The following HDAC9 variants were observed in gnomAD, a reference collection of about 807,000 sequenced individuals.
HDAC9 encodes MEF-2 interacting transcription repressor (MITR) protein.
A neutral mutation model predicts 139.4 loss-of-function variants in HDAC9; 41 were observed. The ratio of observed to expected loss-of-function variants is 0.29; its 90% CI spans 0.23 to 0.38. The LOEUF (loss-of-function observed/expected upper bound fraction) is 0.38, where lower values mean the gene tolerates loss of function less well. Ranked by LOEUF, HDAC9 falls within the 10% of genes least tolerant of loss-of-function variation. HDAC9 has a pLI of 1.00. For missense variants in HDAC9, 1,147 were observed against 1,297.0 expected, an observed-to-expected ratio of 0.88 and a Z score of 1.78; for synonymous variants, 517 against 476.2, an observed-to-expected ratio of 1.09 and a Z score of -1.12.
chr7:18,907,369 T>C (rs1802355210), intron 22 of HDAC9, among the ~76,000 whole-genome samples: 1 of 152,204 alleles, frequency 6.6e-6, no homozygotes, highest in Non-Finnish European at 1.5e-5. Context: ...AGAATGGGAA[T>C]TCTAAATTAC....
At chr7:18,839,727 C>A (rs1220386247) in intron 21 of HDAC9, among the ~76,000 whole-genome samples, 1 of 152,014 alleles carries the variant, frequency 6.6e-6, no homozygotes, top group African/African-American at 2.4e-5. Flanking sequence ...CTTTATTGAA[C>A]AAATCTTTTG....
At chr7:18,649,111 T>C (rs1461307276) in intron 11 of HDAC9, among the ~76,000 whole-genome samples, 1 of 152,194 alleles carries the variant, frequency 6.6e-6, no homozygotes, top group Non-Finnish European at 1.5e-5. Flanking sequence ...TGTATGCATC[T>C]ACGTTACATT....
At chr7:18,924,837 G>C (rs1804073121) in intron 22 of HDAC9, among the ~76,000 whole-genome samples, 1 of 152,106 alleles carries the variant, frequency 6.6e-6, no homozygotes, top group African/African-American at 2.4e-5. Flanking sequence ...GAAACCGTGA[G>C]GATGATTATG....
intron 2 of HDAC9, among the ~76,000 whole-genome samples, chr7:18,234,117 C>T (rs968932804): frequency 1.3e-5 from 2 of 152,084 alleles, no homozygotes; most frequent in African/African-American, 4.8e-5. Context: ...GTGTACAAAG[C>T]GAGAGCTTTC....
intron 25 of HDAC9, among the ~76,000 whole-genome samples, chr7:18,985,300 A>G (rs980877441): frequency 2.0e-5 from 3 of 151,776 alleles, no homozygotes; most frequent in Non-Finnish European, 2.9e-5. Flanking sequence ...ATTCCCACCT[A>G]TGAGTGAGAA....
intron 12 of HDAC9, among the ~76,000 whole-genome samples, chr7:18,697,633 A>G (rs1783150687): frequency 1.3e-5 from 2 of 152,134 alleles, no homozygotes; most frequent in Admixed American, 1.3e-4. Flanking sequence ...TCTTTTAGAC[A>G]CTGATATTCC....
intron 16 of HDAC9, among the ~76,000 whole-genome samples, chr7:18,779,557 C>T (rs1238862643): frequency 6.6e-6 from 1 of 151,956 alleles, no homozygotes; most frequent in East Asian, 1.9e-4. Context: ...TTAGAAGTAT[C>T]CTGCCCAGCC....
intron 21 of HDAC9, among the ~76,000 whole-genome samples, chr7:18,853,863 G>A (rs1797481220): frequency 6.6e-6 from 1 of 152,118 alleles, no homozygotes; most frequent in Admixed American, 6.6e-5. Flanking sequence ...TTTCTCAGAA[G>A]TTACCTATCT....
At chr7:18,736,879 T>C (rs1786963793) in intron 13 of HDAC9, among the ~76,000 whole-genome samples, 1 of 152,204 alleles carries the variant, frequency 6.6e-6, no homozygotes, top group South Asian at 2.1e-4. Flanking sequence ...TTTTTTTGGT[T>C]GGTAGGCTAT....
At chr7:18,349,307 TACACACACACACACACACAC>T (rs3138825) in intron 1 of HDAC9, among the ~76,000 whole-genome samples, 66 of 125,816 alleles carry the variant, frequency 5.2e-4, no homozygotes, top group South Asian at 4.2e-3. Context: ...TGAGAACATC[TACACACACACACACACACAC>T]ACACACACAC....
chr7:18,314,557 A>G (rs1276153455), intron 1 of HDAC9, among the ~76,000 whole-genome samples: 1 of 152,200 alleles, frequency 6.6e-6, no homozygotes, highest in Admixed American at 6.5e-5. Flanking sequence ...AAGAAAATCT[A>G]GAAGAGTTTT....
chr7:18,901,219 T>TACAC (rs1262098910), intron 22 of HDAC9, among the ~76,000 whole-genome samples: 2 of 130,882 alleles, frequency 1.5e-5, no homozygotes, highest in Non-Finnish European at 3.3e-5. Flanking sequence ...TATATATATA[T>TACAC]ATACACACAC....
rs762082922 is a variant in HDAC9, at chr7:18,807,496, TC to T, written c.2322+14045del. 8.5e-4 allele frequency among the ~76,000 whole-genome samples: 129 copies of T among 152,258 alleles called. 1 individual carries two copies. Among genetic ancestry groups the T allele is most frequent in the Admixed American group, 7.2e-4 (11 of 15,274 alleles). ...GCTAACTTTGGGCTTAGTTTACTCTTCTTTTTTTTAGTTATTTGTAAAGGTT... is the reference window on the plus strand; with the variant it reads ...GCTAACTTTGGGCTTAGTTTACTCTTTTTTTTTTAGTTATTTGTAAAGGTT... On this transcript the variant is annotated intron_variant, in intron 17 of 25. Coordinates refer to ENST00000686413, the MANE Select transcript of HDAC9 (RefSeq NM_178425.4).
chr7:18,809,357 G>C (rs1793988920), intron 17 of HDAC9, among the ~76,000 whole-genome samples: 1 of 151,928 alleles, frequency 6.6e-6, no homozygotes, highest in African/African-American at 2.4e-5. Flanking sequence ...AAACTAAAAA[G>C]CCTCTGCATA....
At chr7:18,630,881 G>A (rs1468637202) in intron 7 of HDAC9, among the ~76,000 whole-genome samples, 3 of 152,034 alleles carry the variant, frequency 2.0e-5, no homozygotes, top group Non-Finnish European at 4.4e-5. Context: ...CCTATCAGGT[G>A]TCTAATGTAA....
intron 2 of HDAC9, among the ~76,000 whole-genome samples, chr7:18,562,381 T>C (rs1820895609): frequency 6.6e-6 from 1 of 152,202 alleles, no homozygotes; most frequent in South Asian, 2.1e-4. Context: ...AAACCATAGC[T>C]TAATCCAAAG....
intron 25 of HDAC9, among the ~76,000 whole-genome samples, chr7:18,987,160 A>T (rs1326989570): frequency 6.6e-6 from 1 of 152,194 alleles, no homozygotes; most frequent in Non-Finnish European, 1.5e-5. Context: ...TTCAAAGGGA[A>T]TGCTTCCAGT....
At chr7:18,838,504 G>C (rs1377001571) in intron 21 of HDAC9, among the ~76,000 whole-genome samples, 2 of 151,972 alleles carry the variant, frequency 1.3e-5, no homozygotes, top group African/African-American at 4.8e-5. Flanking sequence ...AAGGACATGA[G>C]GTGGGATTGG....
chr7:18,549,740 AGGT>A (rs1423206838), intron 2 of HDAC9, among the ~76,000 whole-genome samples: 1 of 151,840 alleles, frequency 6.6e-6, no homozygotes, highest in Non-Finnish European at 1.5e-5. Context: ...CAAAATAAAA[AGGT>A]GGTTTTTTTT....
Sources: allele counts gnomAD v4.1 joint callset (sites outside exome capture counted in the v4.1 genomes callset), GRCh38; gene constraint gnomAD v4.1.1; transcripts MANE v1.5; gene names NCBI Gene and HGNC (gene_info 2026-07-23, HGNC 2026-07-21).